The following POLH variants were observed in gnomAD, a reference collection of about 807,000 sequenced individuals.
POLH encodes the protein DNA polymerase eta, also known as DNA polymerase eta transcript.
In POLH, 53 loss-of-function variants were observed where a neutral mutation model predicts 73.6. The observed-to-expected ratio is 0.72, with a 90% CI of 0.58 to 0.91. The LOEUF is 0.91. POLH is among the 40% of genes least tolerant of loss of function. The pLI, the probability that POLH is intolerant of heterozygous loss-of-function variation, is 0.00. For synonymous variants in POLH, 292 were observed against 308.5 expected, an observed-to-expected ratio of 0.95 and a Z score of 0.56; for missense variants, 768 against 865.4, an observed-to-expected ratio of 0.89 and a Z score of 1.41.
intron 4 of POLH, among the ~76,000 whole-genome samples, chr6:43,595,947 T>C (rs1766001290): frequency 1.3e-5 from 2 of 151,848 alleles, no homozygotes; most frequent in Non-Finnish European, 2.9e-5. Flanking sequence ...TAATGTATAC[T>C]AGTATATATT....
intron 4 of POLH, chr6:43,590,905 G>A (rs1245393117): frequency 1.4e-5 from 2 of 138,838 alleles, no homozygotes; most frequent in South Asian, 2.3e-4. Flanking sequence ...CCTGGGTGGC[G>A]ACAGAGCAAG....
intron 3 of POLH, among the ~76,000 whole-genome samples, chr6:43,584,785 C>G (rs1337306088): frequency 6.6e-6 from 1 of 152,132 alleles, no homozygotes; most frequent in Non-Finnish European, 1.5e-5. Flanking sequence ...GATTAATTTG[C>G]TGAAGCGACT....
At position 43,604,678 on chromosome 6, in the gene POLH, C is replaced by G. The variant is rs756868513; in HGVS notation, c.948C>G (p.Pro316=). Residue 316 remains proline (P), a synonymous_variant, in exon 8 of 11, where the codon CCC becomes CCG. Coordinates refer to ENST00000372236, the MANE Select transcript of POLH (RefSeq NM_006502.3). The stretch of plus-strand genomic sequence containing the variant: ...ATCCAGTTAAACCCAGGCAACTACC[C>G]AAAACCATTGGCTGTAGTAAGAACT... The part of the protein sequence containing the change: ...EHDPVKPRQL[P]KTIGCSKNFP... 2 of 1,614,016 alleles carry G rather than the reference C, an allele frequency of 1.2e-6. No individual in the cohort carries two copies. The highest frequency in any genetic ancestry group is 2.2e-5 in the South Asian group (2 of 91,070).
rs981186333 is a variant in POLH at position 43,618,217 on chromosome 6, G to A, written c.*3660G>A. On this transcript the variant is annotated 3_prime_UTR_variant, in exon 11 of 11. Transcript: ENST00000372236. ...TGTAGCCAGGCTGGAGTGCAGTGGT[G>A]CAATCTTGGCTCACTGCAACCTCCG... 1.3e-5 allele frequency among the ~76,000 whole-genome samples: 2 copies of A among 151,936 alleles called. No homozygotes were observed. The highest frequency in any genetic ancestry group is 2.4e-5 in the African/African-American group (1 of 41,376).
rs138120769 is a variant in POLH, at chr6:43,586,788, G to T, written c.273-484G>T. 4.8e-3 allele frequency among the ~76,000 whole-genome samples: 737 copies of T among 152,304 alleles called. 5 individuals carry two copies. Among genetic ancestry groups the T allele is most frequent in the African/African-American group, 0.016 (670 of 41,560 alleles). ...AAGTATAAAATCCATATGCCAGTTT[G>T]TTAATTTATGGTGAGAAATACTATC... On this transcript the variant is annotated intron_variant, in intron 3 of 10. Coordinates refer to ENST00000372236, the MANE Select transcript of POLH (RefSeq NM_006502.3).
At chr6:43,584,759 C>T (rs1282578230) in intron 3 of POLH, among the ~76,000 whole-genome samples, 2 of 152,148 alleles carry the variant, frequency 1.3e-5, no homozygotes, top group Admixed American at 1.3e-4. Flanking sequence ...GTTCCTGCAA[C>T]CCCCTCTTTG....
intron 4 of POLH, among the ~76,000 whole-genome samples, chr6:43,591,637 T>A (rs932209632): frequency 4.9e-4 from 73 of 150,128 alleles, no homozygotes; most frequent in African/African-American, 8.4e-4. Context: ...TTTTTTTTTT[T>A]AAATATTTGG....
chr6:43,593,878 CAAAAA>C (rs768129925), intron 4 of POLH, among the ~76,000 whole-genome samples: 6 of 85,186 alleles, frequency 7.0e-5, no homozygotes, highest in Admixed American at 2.4e-4. Flanking sequence ...GACTCCGTCT[CAAAAA>C]AAAAAAAAAA....
intron 6 of POLH, among the ~76,000 whole-genome samples, chr6:43,601,712 C>A (rs1766753724): frequency 6.6e-6 from 1 of 152,006 alleles, no homozygotes; most frequent in African/African-American, 2.4e-5. Context: ...TCGCTTGAGC[C>A]CAGGAGGTCA....
rs1768368311 is a variant in POLH, at chr6:43,616,611, ACTT to A, written c.*2057_*2059del. ...CAAAAAAAAAAAAAACAAAAGAAAA[ACTT>A]CTCTCTAGCTCTGTGACGGGCAGTT... On this transcript the variant is annotated 3_prime_UTR_variant, in exon 11 of 11. Transcript: ENST00000372236. 1.3e-5 allele frequency among the ~76,000 whole-genome samples: 2 copies of A among 151,924 alleles called. No individual in the cohort carries two copies. Among genetic ancestry groups the A allele is most frequent in the South Asian group, 2.1e-4 (1 of 4,816 alleles).
chr6:43,596,538 G>C (rs545295771), intron 4 of POLH, among the ~76,000 whole-genome samples: 1 of 152,256 alleles, frequency 6.6e-6, no homozygotes, highest in East Asian at 1.9e-4. Flanking sequence ...GGTTGCAGTG[G>C]ATATGTGAAA....
intron 3 of POLH, among the ~76,000 whole-genome samples, chr6:43,586,983 G>A (rs1161771093): frequency 2.0e-5 from 3 of 152,118 alleles, no homozygotes; most frequent in Non-Finnish European, 2.9e-5. Flanking sequence ...TTATTTTTTA[G>A]AGAGTTCCTT....
rs1768471907 is a variant in POLH, at chr6:43,618,184, T to C, written c.*3627T>C. 6.6e-6 allele frequency among the ~76,000 whole-genome samples: 1 copy of C among 151,952 alleles called. No individual in the cohort carries two copies. The highest frequency in any genetic ancestry group is 1.5e-5 in the Non-Finnish European group (1 of 68,004). On this transcript the variant is annotated 3_prime_UTR_variant, in exon 11 of 11. Coordinates refer to ENST00000372236, the MANE Select transcript of POLH (RefSeq NM_006502.3). ...ATTATTATTTTTTTTTGAGATGGAG[T>C]CTCGCTGTGTAGCCAGGCTGGAGTG...
In POLH at chr6:43,619,616, C is replaced by T. The variant is rs973069895; in HGVS notation, c.*5059C>T. On this transcript the variant is annotated 3_prime_UTR_variant, in exon 11 of 11. Coordinates refer to ENST00000372236, the MANE Select transcript of POLH (RefSeq NM_006502.3). The stretch of plus-strand genomic sequence containing the variant: ...ATACTTTTTATCCCCCTAAATGTTC[C>T]ATTAATGTTGCAGAGAGGCTCACTA... Among the ~76,000 whole-genome samples the T allele has an allele frequency of 3.9e-5, 6 of 152,052 alleles. No individual in the cohort carries two copies. The highest frequency in any genetic ancestry group is 7.4e-5 in the Non-Finnish European group (5 of 68,012).
chr6:43,581,430 GCTC>G (rs1764188412), intron 1 of POLH, among the ~76,000 whole-genome samples: 1 of 132,478 alleles, frequency 7.5e-6, no homozygotes, highest in African/African-American at 3.2e-5. Context: ...AGGCAGAGGG[GCTC>G]CTCACATCCC....
intron 4 of POLH, 115 bp downstream of exon 4, chr6:43,587,604 A>G (rs1031452112): frequency 2.6e-6 from 2 of 777,836 alleles, no homozygotes; most frequent in African/African-American, 3.4e-5. Flanking sequence ...GCCTGAATGA[A>G]TCACAAGGAC....
At chr6:43,599,285 G>A (rs772321597) in intron 5 of POLH, among the ~76,000 whole-genome samples, 4 of 151,994 alleles carry the variant, frequency 2.6e-5, no homozygotes, top group Admixed American at 6.6e-5. Flanking sequence ...CACCGCGCCC[G>A]GCCACGTGCT....
chr6:43,582,488 A>G, intron 2 of POLH, 32 bp downstream of exon 2: 2 of 1,607,756 alleles, frequency 1.2e-6, no homozygotes, highest in Non-Finnish European at 1.7e-6. Flanking sequence ...ACAACTATTC[A>G]ATGGTAACAC....
intron 9 of POLH, among the ~76,000 whole-genome samples, chr6:43,607,320 C>T (rs1445674332): frequency 6.6e-6 from 1 of 152,166 alleles, no homozygotes; most frequent in African/African-American, 2.4e-5. Flanking sequence ...GTCTCAATCT[C>T]ATGACCTTGT....
Sources: allele counts gnomAD v4.1 joint callset (sites outside exome capture counted in the v4.1 genomes callset), GRCh38; gene constraint gnomAD v4.1.1; transcripts MANE v1.5; gene names NCBI Gene and HGNC (gene_info 2026-07-23, HGNC 2026-07-21).